Variants in TSPEAR observed in about 807,000 individuals in gnomAD.
TSPEAR encodes the protein thrombospondin-type laminin G domain and EAR repeat-containing protein.
In TSPEAR, 69 loss-of-function variants were observed where a neutral mutation model predicts 71.6. That is an observed-to-expected ratio of 0.96 (90% CI 0.79 to 1.18). The LOEUF (loss-of-function observed/expected upper bound fraction) is 1.18, where lower values mean the gene tolerates loss of function less well. Among genes scored for constraint, TSPEAR ranks in the 50% most tolerant of loss-of-function variants. The pLI is 0.00. For synonymous variants in TSPEAR, 402 were observed against 387.2 expected, an observed-to-expected ratio of 1.04 and a Z score of -0.45; for missense variants, 971 against 894.9, an observed-to-expected ratio of 1.09 and a Z score of -1.09.
At chr21:44,519,030 GTTTT>G (rs587613806) in intron 9 of TSPEAR, 12 of 171,574 alleles carry the variant, frequency 7.0e-5, no homozygotes, top group East Asian at 5.2e-4. Flanking sequence ...TGCTTTTGTT[GTTTT>G]TTTTTTGTTT....
At chr21:44,591,727 T>G in intron 1 of TSPEAR, 1 of 1,593,512 alleles carries the variant, frequency 6.3e-7, no homozygotes, top group Non-Finnish European at 8.6e-7. Context: ...GCAGCTAGAC[T>G]GCTGGCAGCA....
intron 2 of TSPEAR, among the ~76,000 whole-genome samples, chr21:44,563,597 C>T (rs1459986820): frequency 6.8e-6 from 1 of 148,134 alleles, no homozygotes; most frequent in Non-Finnish European, 1.5e-5. Flanking sequence ...ACAAAAAAAA[C>T]CCATAAACCC....
chr21:44,582,936 C>T (rs1459114985), intron 1 of TSPEAR, among the ~76,000 whole-genome samples: 1 of 152,134 alleles, frequency 6.6e-6, no homozygotes, highest in Non-Finnish European at 1.5e-5. Context: ...GATTCTCCTC[C>T]CTCAGCCTCC....
intron 9 of TSPEAR, chr21:44,515,688 G>A (rs1555913334): frequency 6.6e-6 from 1 of 152,190 alleles, no homozygotes; most frequent in Admixed American, 6.5e-5. Context: ...AAAATGTAGA[G>A]TGGCCGCCTT....
chr21:44,536,507 GAA>G (rs2053093285), intron 2 of TSPEAR, among the ~76,000 whole-genome samples: 1 of 152,284 alleles, frequency 6.6e-6, no homozygotes, highest in Admixed American at 6.5e-5. Context: ...TCTAGTAAAT[GAA>G]AATTCATAGC....
intron 1 of TSPEAR, among the ~76,000 whole-genome samples, chr21:44,620,210 G>T (rs776466881): frequency 1.6e-4 from 25 of 152,308 alleles, no homozygotes; most frequent in African/African-American, 5.8e-4. Flanking sequence ...CCAAAAAGAC[G>T]TCTTCATCTG....
intron 10 of TSPEAR, chr21:44,508,656 T>C (rs1193241837): frequency 7.5e-6 from 9 of 1,195,508 alleles, no homozygotes; most frequent in African/African-American, 1.6e-5. Context: ...CGTGTCGGTC[T>C]GGAACCATCA....
chr21:44,588,701 T>TAC (rs59733114), intron 1 of TSPEAR, among the ~76,000 whole-genome samples: 69 of 143,004 alleles, frequency 4.8e-4, no homozygotes, highest in South Asian at 1.5e-3. Context: ...TATATATTTA[T>TAC]ATATATAAAC....
At chr21:44,528,995 C>A (rs1555915350) in intron 5 of TSPEAR, among the ~76,000 whole-genome samples, 1 of 152,216 alleles carries the variant, frequency 6.6e-6, no homozygotes, top group East Asian at 1.9e-4. Context: ...TCATCACTTC[C>A]AGTAATCACA....
chr21:44,707,305 G>GT (rs1555952621), intron 1 of TSPEAR, among the ~76,000 whole-genome samples: 3 of 152,050 alleles, frequency 2.0e-5, no homozygotes, highest in African/African-American at 7.2e-5. Context: ...CGCGGGGTGG[G>GT]GGGGGGTGCG....
intron 1 of TSPEAR, among the ~76,000 whole-genome samples, chr21:44,663,349 G>A (rs1399481624): frequency 3.9e-5 from 6 of 152,160 alleles, no homozygotes; most frequent in African/African-American, 1.4e-4. Flanking sequence ...CATTAAATTT[G>A]ATAACATACA....
chr21:44,672,413 A>G (rs1555946155), intron 1 of TSPEAR, among the ~76,000 whole-genome samples: 1 of 152,154 alleles, frequency 6.6e-6, no homozygotes, highest in Non-Finnish European at 1.5e-5. Flanking sequence ...TACTAAAAAT[A>G]CAAAAAATTA....
At position 44,506,941 on chromosome 21, in the gene TSPEAR, T is replaced by G. The variant is rs1601322924; in HGVS notation, c.1755-2060A>C. 6.6e-6 allele frequency: 1 copy of G among 152,244 alleles called. No homozygotes were observed. Among genetic ancestry groups the G allele is most frequent in the East Asian group, 1.9e-4 (1 of 5,192 alleles). The allele number at this position is 152,244 out of a possible 1,614,324, so 9.4% of individuals were successfully genotyped here. On this transcript the variant is annotated intron_variant, in intron 10 of 11. Transcript: ENST00000323084. The surrounding 1 kb of genome is among the most constrained non-coding windows in gnomAD (Gnocchi z 4.2). ...AAGCAGCCCTGGGTCACACTCGCTG[T>G]AGGACAGATGTTATTCTTCAGAATC...
intron 2 of TSPEAR, among the ~76,000 whole-genome samples, chr21:44,557,273 A>C (rs1368696027): frequency 6.6e-6 from 1 of 152,198 alleles, no homozygotes; most frequent in African/African-American, 2.4e-5. Context: ...TCCAAGGACA[A>C]AGGTGGTTAC....
At chr21:44,708,261 G>A (rs2838658) in intron 1 of TSPEAR, among the ~76,000 whole-genome samples, 1 of 151,880 alleles carries the variant, frequency 6.6e-6, no homozygotes, top group Non-Finnish European at 1.5e-5. Context: ...ACTGGGCTGC[G>A]GGGTCAGGAA....
intron 11 of TSPEAR, among the ~76,000 whole-genome samples, chr21:44,503,340 G>C (rs587667802): frequency 1.9e-4 from 27 of 144,448 alleles, no homozygotes; most frequent in African/African-American, 4.1e-4. Flanking sequence ...GAGCCCTCGG[G>C]GGGAAGCAAG....
intron 9 of TSPEAR, chr21:44,518,920 C>T (rs1555913892): frequency 8.0e-6 from 2 of 250,766 alleles, no homozygotes; most frequent in East Asian, 1.1e-4. Flanking sequence ...TGTGGAGCCC[C>T]GGGTGTTTCC....
intron 11 of TSPEAR, among the ~76,000 whole-genome samples, chr21:44,502,000 T>C (rs1555911155): frequency 6.6e-6 from 1 of 152,228 alleles, no homozygotes; most frequent in African/African-American, 2.4e-5. Context: ...TAATTTCCTA[T>C]TATAGATGCT....
intron 1 of TSPEAR, among the ~76,000 whole-genome samples, chr21:44,691,107 TCCA>T (rs1555949689): frequency 6.7e-6 from 1 of 150,214 alleles, no homozygotes; most frequent in Non-Finnish European, 1.5e-5. Context: ...CTCTCCTCTC[TCCA>T]CACTTCTCTC....
Sources: allele counts gnomAD v4.1 joint callset (sites outside exome capture counted in the v4.1 genomes callset), GRCh38; gene constraint gnomAD v4.1.1; non-coding constraint Gnocchi (gnomAD v3.1); transcripts MANE v1.5; gene names NCBI Gene and HGNC (gene_info 2026-07-23, HGNC 2026-07-21).